The following TAF5 variants were observed in gnomAD, a reference collection of about 807,000 sequenced individuals.
TAF5 encodes the protein TATA-box binding protein associated factor 5, also known as transcription initiation factor TFIID subunit 5.
Under a neutral mutation model 80.9 loss-of-function variants are expected in TAF5, and 20 were observed. The ratio of observed to expected loss-of-function variants is 0.25; its 90% CI spans 0.17 to 0.36. TAF5 has a LOEUF of 0.36. Among genes scored for constraint, TAF5 ranks in the 10% least tolerant of loss-of-function variants. The pLI is 1.00. For synonymous variants in TAF5, 388 were observed against 406.4 expected, an observed-to-expected ratio of 0.95 and a Z score of 0.55; for missense variants, 863 against 1,029.4, an observed-to-expected ratio of 0.84 and a Z score of 2.21.
Position 103,385,499 on chromosome 10 carries a change from A to G in TAF5, c.1829+9A>G. On this transcript the variant is annotated intron_variant, in intron 8 of 10. Coordinates refer to ENST00000369839, the MANE Select transcript of TAF5 (RefSeq NM_006951.5). Reference sequence around the variant, plus strand: ...CATGACCGAGTAGCTCGGTAAGAACACTGTGATCTTATGACTGGGTCTATT... The same window carrying G: ...CATGACCGAGTAGCTCGGTAAGAACGCTGTGATCTTATGACTGGGTCTATT... The G allele has an allele frequency of 6.2e-7, 1 of 1,613,268 alleles. No homozygotes were observed. Among genetic ancestry groups the G allele is most frequent in the Non-Finnish European group, 8.5e-7 (1 of 1,179,736 alleles).
Position 103,387,539 on chromosome 10 carries a change from A to G in TAF5, c.2026A>G (p.Thr676Ala). 2 of 1,613,346 alleles carry G rather than the reference A, an allele frequency of 1.2e-6. No homozygotes were observed. Among genetic ancestry groups the G allele is most frequent in the Non-Finnish European group, 8.5e-7 (1 of 1,179,778 alleles). ...TGHKGPIHSL[T>A]FSPNGRFLAT... is the part of the protein sequence containing the mutation. Reference sequence around the variant, plus strand: ...TTTCTAGGGACCAATTCATTCCTTGACATTTTCTCCCAATGGGAGATTCCT... The same window carrying G: ...TTTCTAGGGACCAATTCATTCCTTGGCATTTTCTCCCAATGGGAGATTCCT... The change falls in exon 10 of 11, where the codon ACA becomes GCA. Residue 676 changes from threonine to alanine, a missense_variant. Thr to Ala is a moderately conservative substitution (Grantham distance 58). Coordinates refer to ENST00000369839, the MANE Select transcript of TAF5 (RefSeq NM_006951.5).
In TAF5 at chr10:103,388,104, C is replaced by G; in HGVS notation, c.2284C>G (p.Pro762Ala). 1 of 1,614,066 alleles carries G rather than the reference C, an allele frequency of 6.2e-7. No individual in the cohort carries two copies. Among genetic ancestry groups the G allele is most frequent in the Non-Finnish European group, 8.5e-7 (1 of 1,179,954 alleles). Residue 762 changes from proline (P) to alanine (A), a missense_variant, in exon 11 of 11, where the codon CCT becomes GCT. By Grantham distance (27) the Pro-to-Ala change is conservative (BLOSUM62 -1). Around this residue, in one of 3 missense-constraint regions of TAF5, gnomAD observed 368 missense variants for 461.7 expected, o/e 0.80. Coordinates refer to ENST00000369839, the MANE Select transcript of TAF5 (RefSeq NM_006951.5). ...TACAGCCACTGGGCATATAAATTTA[C>G]CTGAGAATTCACAGGAGTTATTGTT... Reference protein sequence around the residue: ...FTTATGHINLPENSQELLLGT... With the variant: ...FTTATGHINLAENSQELLLGT...
At chr10:103,371,000 G>A (rs2093358314) in intron 1 of TAF5, among the ~76,000 whole-genome samples, 1 of 152,120 alleles carries the variant, frequency 6.6e-6, no homozygotes, top group African/African-American at 2.4e-5. Flanking sequence ...CAGCACTTTG[G>A]GAGGCCAAGG....
At position 103,368,498 on chromosome 10, in the gene TAF5, G is replaced by A. The variant is rs769564128; in HGVS notation, c.509G>A (p.Gly170Glu). The A allele has an allele frequency of 1.9e-6, 3 of 1,572,042 alleles. No homozygotes were observed. In the East Asian group the frequency reaches 6.8e-5, roughly 36 times the overall value. The change falls in exon 1 of 11, where the codon GGG becomes GAG. Residue 170 changes from glycine (G) to glutamate (E), a missense_variant. Around this residue, in one of 3 missense-constraint regions of TAF5, gnomAD observed 367 missense variants for 335.5 expected, o/e 1.09. Transcript: ENST00000369839. Reference protein sequence around the residue: ...APDPPGTGASGATVVSGSASG... With the variant: ...APDPPGTGASEATVVSGSASG... ...GACCCTCCGGGCACTGGCGCTTCGG[G>A]GGCCACGGTCGTCTCAGGTTCAGCC...
At chr10:103,370,983 G>T (rs2093358271) in intron 1 of TAF5, among the ~76,000 whole-genome samples, 1 of 152,184 alleles carries the variant, frequency 6.6e-6, no homozygotes, top group Non-Finnish European at 1.5e-5. Flanking sequence ...GCTCACGCCT[G>T]TAGTCCCAGC....
In TAF5 at chr10:103,379,855, G is replaced by T. The variant is rs200019466; in HGVS notation, c.1278-29G>T. The stretch of plus-strand genomic sequence containing the variant: ...GTTCAAGTTTGTTAATAGTCAAAAG[G>T]TAATTTTGACTCTCTTTTTCTTTCA... On this transcript the variant is annotated intron_variant, in intron 4 of 10. Transcript: ENST00000369839. The T allele has an allele frequency of 1.2e-4, 190 of 1,606,564 alleles. 1 individual carries two copies. The highest frequency in any genetic ancestry group is 1.7e-4 in the Middle Eastern group (1 of 6,040).
At chr10:103,386,746 C>T (rs900164172) in intron 8 of TAF5, among the ~76,000 whole-genome samples, 3 of 151,616 alleles carry the variant, frequency 2.0e-5, no homozygotes, top group African/African-American at 7.3e-5. Context: ...TCACTGCAAC[C>T]TCTACCTCCT....
Position 103,377,801 on chromosome 10 carries a change from T to C in TAF5, c.798-434T>C, listed in dbSNP as rs116825492. Reference sequence around the variant, plus strand: ...CTGAGTACTGTGTACATTGAGTTCATTATACTCTTTTTTATGCCTTTGAAA... The same window carrying C: ...CTGAGTACTGTGTACATTGAGTTCACTATACTCTTTTTTATGCCTTTGAAA... On this transcript the variant is annotated intron_variant, in intron 2 of 10. Coordinates refer to ENST00000369839, the MANE Select transcript of TAF5 (RefSeq NM_006951.5). Among the ~76,000 whole-genome samples the C allele has an allele frequency of 3.6e-3, 553 of 152,282 alleles. 3 individuals carry two copies. The highest frequency in any genetic ancestry group is 0.013 in the African/African-American group (529 of 41,572).
At chr10:103,372,976 G>A (rs1049106287) in intron 1 of TAF5, among the ~76,000 whole-genome samples, 2 of 151,576 alleles carry the variant, frequency 1.3e-5, no homozygotes, top group Non-Finnish European at 2.9e-5. Flanking sequence ...AGGCCGAGGC[G>A]GGAGGATCAC....
At position 103,388,109 on chromosome 10, in the gene TAF5, G is replaced by A. The variant is rs374171365; in HGVS notation, c.2289G>A (p.Glu763=). ...CCACTGGGCATATAAATTTACCTGAGAATTCACAGGAGTTATTGTTGGGAA... is the reference window on the plus strand; with the variant it reads ...CCACTGGGCATATAAATTTACCTGAAAATTCACAGGAGTTATTGTTGGGAA... ...TTATGHINLP[E]NSQELLLGTY... The change falls in exon 11 of 11, where the codon GAG becomes GAA. Residue 763 remains glutamate (E), a synonymous_variant. Coordinates refer to ENST00000369839, the MANE Select transcript of TAF5 (RefSeq NM_006951.5). The A allele has an allele frequency of 1.2e-6, 2 of 1,614,030 alleles. No individual in the cohort carries two copies. The highest frequency in any genetic ancestry group is 1.7e-6 in the Non-Finnish European group (2 of 1,179,948).
Position 103,384,760 on chromosome 10 carries a change from C to T in TAF5, c.1665-566C>T, listed in dbSNP as rs1197541536. On this transcript the variant is annotated intron_variant, in intron 7 of 10. Transcript: ENST00000369839. Reference sequence around the variant, plus strand: ...CCAGATGATACATTTTTGAGGGAAACGTCTGATTTCAGTGAAAATTGTAAT... The same window carrying T: ...CCAGATGATACATTTTTGAGGGAAATGTCTGATTTCAGTGAAAATTGTAAT... Among the ~76,000 whole-genome samples, 7 of 152,150 alleles carry T rather than the reference C, an allele frequency of 4.6e-5. No homozygotes were observed. The East Asian group carries it at 7.7e-4, about 17-fold the overall frequency.
chr10:103,378,360 G>GT lies in TAF5; in HGVS notation c.924dup (p.Ile309TyrfsTer4). Reference sequence around the variant, plus strand: ...TTTCGAACAAGTAAATTTGTTCTGCGTATTTCCCGTGACTCGTACCAACTC... The same window carrying GT: ...TTTCGAACAAGTAAATTTGTTCTGCGTTATTTCCCGTGACTCGTACCAACTC... On this transcript the variant is annotated frameshift_variant, in exon 3 of 11. Transcript: ENST00000369839. LOFTEE classifies it high-confidence loss of function. This position sits in a 1 kb window ranked among gnomAD's most constrained non-coding sequence, Gnocchi z 4.1. 1 of 1,614,138 alleles carries GT rather than the reference G, an allele frequency of 6.2e-7. No individual in the cohort carries two copies. Among genetic ancestry groups the GT allele is most frequent in the Non-Finnish European group, 8.5e-7 (1 of 1,180,026 alleles).
intron 2 of TAF5, among the ~76,000 whole-genome samples, chr10:103,377,688 T>C (rs979230525): frequency 6.6e-6 from 1 of 152,218 alleles, no homozygotes; most frequent in African/African-American, 2.4e-5. Context: ...ATTTTAAAAA[T>C]GTCTGGTACA....
intron 2 of TAF5, among the ~76,000 whole-genome samples, chr10:103,376,963 G>T (rs1228417567): frequency 6.6e-6 from 1 of 152,174 alleles, no homozygotes; most frequent in Non-Finnish European, 1.5e-5. Flanking sequence ...AGAATTGCTT[G>T]AGCCCTGGAG....
chr10:103,368,146 GCGT>G lies in TAF5; in HGVS notation c.165_167del (p.Ser56del), dbSNP rs1386064518. On this transcript the variant is annotated inframe_deletion, in exon 1 of 11. Transcript: ENST00000369839. ...CAACGGCGGCGGCGGGAACGTTGCG[GCGT>G]CGTCGTCCACTGGCGGGGATGGCGG... 7.2e-7 allele frequency: 1 copy of G among 1,396,142 alleles called. No homozygotes were observed. The highest frequency in any genetic ancestry group is 3.5e-5 in the Admixed American group (1 of 28,512). The allele number at this position is 1,396,142 out of a possible 1,614,324, so 86.5% of individuals were successfully genotyped here.
chr10:103,383,086 G>A (rs925488308), intron 6 of TAF5, 152 bp from the exon 7 acceptor site: 11 of 540,718 alleles, frequency 2.0e-5, no homozygotes, highest in Non-Finnish European at 3.1e-5. Context: ...ACGCTGAGAT[G>A]ATACTGCCTA....
Position 103,388,421 on chromosome 10 carries a change from A to C in TAF5, c.*198A>C, listed in dbSNP as rs1310665850. On this transcript the variant is annotated 3_prime_UTR_variant, in exon 11 of 11. Transcript: ENST00000369839. Reference sequence around the variant, plus strand: ...ACATTTGACTAATTTCCGTTAGTTGAATAAGAGGTATTATGATCATGGAGG... The same window carrying C: ...ACATTTGACTAATTTCCGTTAGTTGCATAAGAGGTATTATGATCATGGAGG... 3.2e-5 allele frequency: 17 copies of C among 528,362 alleles called. No individual in the cohort carries two copies. The highest frequency in any genetic ancestry group is 5.4e-5 in the Non-Finnish European group (16 of 297,794). The allele number at this position is 528,362 out of a possible 1,614,324, so 32.7% of individuals were successfully genotyped here. A position where few individuals can be genotyped will look rare whatever the true frequency, so the allele number is the denominator to read the frequency against.
chr10:103,374,758 G>A lies in TAF5; in HGVS notation c.797+1163G>A, dbSNP rs2093366875. Among the ~76,000 whole-genome samples, 1 of 152,130 alleles carries A rather than the reference G, an allele frequency of 6.6e-6. No homozygotes were observed. The highest frequency in any genetic ancestry group is 2.1e-4 in the South Asian group (1 of 4,820). On this transcript the variant is annotated intron_variant, in intron 2 of 10. Coordinates refer to ENST00000369839, the MANE Select transcript of TAF5 (RefSeq NM_006951.5). This position sits in a 1 kb window ranked among gnomAD's most constrained non-coding sequence, Gnocchi z 4.3. ...CAAATGGGGGATAGAATGACTATAG[G>A]GACAAGTTTTGGAAGTTATTGCAGT...
rs1280066763 is a variant in TAF5 at position 103,380,034 on chromosome 10, T to C, written c.1413+15T>C. The stretch of plus-strand genomic sequence containing the variant: ...ATGCTTACCAGGTTGGTAAAAAAAT[T>C]GGGCGATTTCTGCCTGGAGAGTCAT... On this transcript the variant is annotated intron_variant, in intron 5 of 10. Coordinates refer to ENST00000369839, the MANE Select transcript of TAF5 (RefSeq NM_006951.5). The C allele has an allele frequency of 6.2e-6, 10 of 1,607,914 alleles. No homozygotes were observed. The East Asian group carries it at 1.3e-4, about 22-fold the overall frequency.
Sources: allele counts gnomAD v4.1 joint callset (sites outside exome capture counted in the v4.1 genomes callset), GRCh38; gene constraint gnomAD v4.1.1; regional missense constraint gnomAD v4.1.1; non-coding constraint Gnocchi (gnomAD v3.1); transcripts MANE v1.5; gene names NCBI Gene and HGNC (gene_info 2026-07-23, HGNC 2026-07-21).